KTN1: variants seen among roughly 807,000 people sequenced by gnomAD.
KTN1 encodes the protein kinectin 1, also known as kinectin.
Under a neutral mutation model 222.5 loss-of-function variants are expected in KTN1, and 130 were observed. That is an observed-to-expected ratio of 0.58 (90% CI 0.51 to 0.68). KTN1 has a LOEUF of 0.68. Among genes scored for constraint, KTN1 ranks in the 30% least tolerant of loss-of-function variants. The pLI, the probability that KTN1 is intolerant of heterozygous loss-of-function variation, is 0.00. For synonymous variants in KTN1, 512 were observed against 496.3 expected (o/e 1.03, Z -0.42); for missense variants, 1,508 against 1,500.4 (o/e 1.01, Z -0.08).
At chr14:55,667,388 A>T in intron 34 of KTN1, 58 bp downstream of exon 34, 1 of 987,226 alleles carries the variant, frequency 1.0e-6, no homozygotes, top group Non-Finnish European at 1.6e-6. Flanking sequence ...AGGTGTGAAT[A>T]AGCAACATCA....
intron 18 of KTN1, among the ~76,000 whole-genome samples, chr14:55,644,947 C>T (rs1026657208): frequency 2.0e-5 from 3 of 152,022 alleles, no homozygotes; most frequent in African/African-American, 4.8e-5. Flanking sequence ...TACTTATTTA[C>T]TAGTTGAGTA....
At chr14:55,614,832 G>A (rs2038117039) in intron 2 of KTN1, among the ~76,000 whole-genome samples, 1 of 152,078 alleles carries the variant, frequency 6.6e-6, no homozygotes, top group South Asian at 2.1e-4. Context: ...GCAGATGGTT[G>A]GTAGCACTAA....
chr14:55,589,824 A>G (rs2033783351), intron 1 of KTN1, among the ~76,000 whole-genome samples: 1 of 151,816 alleles, frequency 6.6e-6, no homozygotes, highest in East Asian at 1.9e-4. Flanking sequence ...ACGCCCAGCT[A>G]ATTTTTGTAT....
In KTN1 at chr14:55,630,035, C is replaced by G. The variant is rs753143536; in HGVS notation, c.1159C>G (p.His387Asp). 38 of 1,599,460 alleles carry G rather than the reference C, an allele frequency of 2.4e-5. No individual in the cohort carries two copies. ...KDRIGTLEKEHNVFQNKIHVS... is the reference protein window; with the variant it reads ...KDRIGTLEKEDNVFQNKIHVS... ...TCGAATTGGAACATTAGAAAAGGAACATAATGTATTTCAAAACAAAATACA... is the reference window on the plus strand; with the variant it reads ...TCGAATTGGAACATTAGAAAAGGAAGATAATGTATTTCAAAACAAAATACA... The change falls in exon 7 of 44, where the codon CAT becomes GAT. Residue 387 changes from histidine to aspartate, a missense_variant. Physicochemically the swap from His to Asp is moderately conservative, Grantham distance 81 (BLOSUM62 -1). Transcript: ENST00000395314.
chr14:55,662,839 G>T (rs1224285088), intron 32 of KTN1: 1 of 455,712 alleles, frequency 2.2e-6, no homozygotes, highest in East Asian at 6.9e-5. Flanking sequence ...CACAAAACTT[G>T]AGGTGAACTT....
intron 40 of KTN1, 22 bp downstream of exon 40, chr14:55,673,277 G>C: frequency 1.3e-6 from 2 of 1,506,758 alleles, no homozygotes; most frequent in Non-Finnish European, 1.8e-6. Flanking sequence ...GTCCTCCACT[G>C]GGTATCAAGT....
Position 55,639,257 on chromosome 14 carries a change from A to G in KTN1, c.1823+35A>G, listed in dbSNP as rs1406674997. The G allele has an allele frequency of 1.3e-5, 19 of 1,455,090 alleles. No individual in the cohort carries two copies. The Admixed American group carries it at 2.7e-4, about 21-fold the overall frequency. 90.1% of individuals were successfully genotyped at this position (1,455,090 alleles called of 1,614,324 possible). Reference sequence around the variant, plus strand: ...CCTTTTCACACTCTTATAATTGTGTAGTCACCACTAACTGATACTTGTTAG... The same window carrying G: ...CCTTTTCACACTCTTATAATTGTGTGGTCACCACTAACTGATACTTGTTAG... On this transcript the variant is annotated intron_variant, in intron 13 of 43. Coordinates refer to ENST00000395314, the MANE Select transcript of KTN1 (RefSeq NM_001079521.2).
intron 21 of KTN1, among the ~76,000 whole-genome samples, chr14:55,649,302 G>A (rs2042701107): frequency 6.6e-6 from 1 of 152,132 alleles, no homozygotes; most frequent in Non-Finnish European, 1.5e-5. Context: ...GTTGGAATAT[G>A]TCAATTATAG....
At chr14:55,581,448 TGTGTGTGTGTGA>T (rs938915811) in intron 1 of KTN1, among the ~76,000 whole-genome samples, 1 of 151,798 alleles carries the variant, frequency 6.6e-6, no homozygotes, top group African/African-American at 2.4e-5. Context: ...TTAAGGTGTG[TGTGTGTGTGTGA>T]GTGTGTGTGT....
rs1361551262 is a variant in KTN1 at position 55,591,784 on chromosome 14, C to T, written c.-31+11430C>T. Among the ~76,000 whole-genome samples, 5 of 152,126 alleles carry T rather than the reference C, an allele frequency of 3.3e-5. No individual in the cohort carries two copies. In the South Asian group the frequency reaches 6.2e-4, roughly 19 times the overall value. On this transcript the variant is annotated intron_variant, in intron 1 of 43. Coordinates refer to ENST00000395314, the MANE Select transcript of KTN1 (RefSeq NM_001079521.2). ...AGAGATAGGGTTTCTCCATGTTGCT[C>T]AGGCTGGTCTCGGACTCCCGACCTC...
chr14:55,660,144 A>G (rs961548318), intron 31 of KTN1, among the ~76,000 whole-genome samples: 19 of 152,078 alleles, frequency 1.2e-4, no homozygotes, highest in African/African-American at 4.3e-4. Context: ...AGCTGGGGAG[A>G]CTGAGACGGG....
intron 29 of KTN1, among the ~76,000 whole-genome samples, chr14:55,657,430 T>C (rs2043619139): frequency 6.7e-6 from 1 of 150,216 alleles, no homozygotes; most frequent in African/African-American, 2.5e-5. Context: ...GTAAGATCCT[T>C]TTTATGTAAT....
chr14:55,583,687 A>T (rs542696210), intron 1 of KTN1, among the ~76,000 whole-genome samples: 9 of 152,116 alleles, frequency 5.9e-5, no homozygotes, highest in Non-Finnish European at 1.2e-4. Flanking sequence ...AATCTTATCC[A>T]GTGTCATGGT....
In KTN1 at chr14:55,583,637, C is replaced by A. The variant is rs544800757; in HGVS notation, c.-31+3283C>A. Among the ~76,000 whole-genome samples, 3 of 152,304 alleles carry A rather than the reference C, an allele frequency of 2.0e-5. No homozygotes were observed. The East Asian group carries it at 5.8e-4, about 29-fold the overall frequency. On this transcript the variant is annotated intron_variant, in intron 1 of 43. Transcript: ENST00000395314. ...ATCTTCTACTCTTAAACTTGACATG[C>A]TCAGTCCTTGTTTCACTTTTCTTTT...
chr14:55,675,567 T>G (rs2045823348), intron 40 of KTN1: 1 of 312,444 alleles, frequency 3.2e-6, no homozygotes. Flanking sequence ...CTTTAAAAGG[T>G]ACTTTACTGG....
Position 55,679,613 on chromosome 14 carries a change from A to G in KTN1, c.3997A>G (p.Thr1333Ala), listed in dbSNP as rs750750801. 6 of 1,612,210 alleles carry G rather than the reference A, an allele frequency of 3.7e-6. No individual in the cohort carries two copies. The South Asian group carries it at 4.4e-5, about 12-fold the overall frequency. ...TMSVSLNQTV[T>A]QLQQLLQAVN... ...GTCTGTAAGTCTAAATCAGACTGTA[A>G]CACAGTTACAGCAGTTGCTTCAGGC... Residue 1333 changes from threonine (T) to alanine (A), a missense_variant, in exon 43 of 44, where the codon ACA becomes GCA. Coordinates refer to ENST00000395314, the MANE Select transcript of KTN1 (RefSeq NM_001079521.2).
intron 1 of KTN1, among the ~76,000 whole-genome samples, chr14:55,596,133 C>T (rs1296701884): frequency 7.8e-5 from 9 of 115,930 alleles, no homozygotes; most frequent in Non-Finnish European, 1.2e-4. Context: ...CCAGCATGGG[C>T]GACAGAGCAA....
At chr14:55,669,940 TAAAAG>T (rs1318965520) in intron 34 of KTN1, among the ~76,000 whole-genome samples, 1 of 151,962 alleles carries the variant, frequency 6.6e-6, no homozygotes, top group Non-Finnish European at 1.5e-5. Flanking sequence ...TCCAAAGACT[TAAAAG>T]AAGGAATAAG....
At chr14:55,636,568 T>C in intron 10 of KTN1, 32 bp downstream of exon 10, 2 of 1,529,218 alleles carry the variant, frequency 1.3e-6, no homozygotes, top group South Asian at 2.4e-5. Context: ...GTAAACTTTG[T>C]ATATAATTTT....
Sources: gnomAD v4.1 joint callset for allele counts (sites outside exome capture counted in the v4.1 genomes callset) on GRCh38, gnomAD v4.1.1 for gene constraint, MANE v1.5 for transcripts, NCBI Gene and HGNC (gene_info 2026-07-23, HGNC 2026-07-21) for gene names.